PRPSAP2: variants seen among roughly 807,000 people sequenced by gnomAD.
PRPSAP2 encodes phosphoribosyl pyrophosphate synthetase associated protein 2.
Under a neutral mutation model 40.6 loss-of-function variants are expected in PRPSAP2, and 24 were observed. The observed-to-expected ratio is 0.59, with a 90% CI of 0.43 to 0.83. The LOEUF (loss-of-function observed/expected upper bound fraction) is 0.83. Among genes scored for constraint, PRPSAP2 ranks in the 40% least tolerant of loss-of-function variants. The probability of loss-of-function intolerance (pLI) is 0.00; values close to 1 mark genes in which losing one functional copy is unlikely to be tolerated. For synonymous variants in PRPSAP2, 149 were observed against 164.7 expected (o/e 0.90, Z 0.73); for missense variants, 292 against 465.6 (o/e 0.63, Z 3.43).
intron 7 of PRPSAP2, among the ~76,000 whole-genome samples, chr17:18,884,288 A>T (rs1278461682): frequency 6.6e-6 from 1 of 152,028 alleles, no homozygotes; most frequent in Admixed American, 6.6e-5. Context: ...AGAAAACAAA[A>T]ATACTCTAAC....
intron 7 of PRPSAP2, among the ~76,000 whole-genome samples, chr17:18,887,657 A>G (rs553403117): frequency 6.6e-6 from 1 of 152,200 alleles, no homozygotes; most frequent in South Asian, 2.1e-4. Context: ...AACTTATTTT[A>G]CTTTTTGCAT....
At chr17:18,927,591 C>T (rs1567758419) in intron 10 of PRPSAP2, among the ~76,000 whole-genome samples, 2 of 152,252 alleles carry the variant, frequency 1.3e-5, no homozygotes, top group Non-Finnish European at 1.5e-5. Flanking sequence ...ACATAAAACT[C>T]GCTATGTACA....
At chr17:18,892,727 G>GTGTGTGTGTGTGTTTATT (rs60288281) in intron 8 of PRPSAP2, among the ~76,000 whole-genome samples, 7 of 126,624 alleles carry the variant, frequency 5.5e-5, no homozygotes, top group South Asian at 2.5e-4. Context: ...GTGTGTGTGT[G>GTGTGTGTGTGTGTTTATT]TATTTATTTA....
intron 9 of PRPSAP2, among the ~76,000 whole-genome samples, chr17:18,919,502 C>T (rs898361289): frequency 6.6e-6 from 1 of 150,636 alleles, no homozygotes; most frequent in African/African-American, 2.4e-5. Flanking sequence ...AGTGAGACTA[C>T]CTCTCAAAAA....
rs2038409605 is a variant in PRPSAP2 at position 18,877,770 on chromosome 17, C to T, written c.312C>T (p.Ile104=). 1.2e-6 allele frequency: 2 copies of T among 1,613,630 alleles called. No homozygotes were observed. The highest frequency in any genetic ancestry group is 1.7e-6 in the Non-Finnish European group (2 of 1,179,640). ...YACKTSCAKS[I]IGVIPYFPYS... ...GTAAGACCTCTTGTGCCAAGAGCAT[C>T]ATTGGCGTGATACCCTACTTTCCTT... Residue 104 remains isoleucine (I), a synonymous_variant, in exon 6 of 12, where the codon ATC becomes ATT. Transcript: ENST00000268835.
intron 8 of PRPSAP2, among the ~76,000 whole-genome samples, chr17:18,898,084 C>T (rs1293200515): frequency 2.7e-5 from 4 of 149,396 alleles, no homozygotes; most frequent in South Asian, 4.3e-4. Flanking sequence ...TGGTAACCTC[C>T]GCCTCCCGGG....
At chr17:18,909,800 G>A (rs902039087) in intron 8 of PRPSAP2, among the ~76,000 whole-genome samples, 1 of 151,988 alleles carries the variant, frequency 6.6e-6, no homozygotes, top group Non-Finnish European at 1.5e-5. Context: ...AGCTACTTGG[G>A]AGGTTGAGGC....
chr17:18,886,847 A>G (rs1159140731), intron 7 of PRPSAP2, among the ~76,000 whole-genome samples: 1 of 151,562 alleles, frequency 6.6e-6, no homozygotes, highest in Non-Finnish European at 1.5e-5. Context: ...CCAGTGATGA[A>G]TATTTGATTC....
chr17:18,909,491 A>G (rs1042131258), intron 8 of PRPSAP2, among the ~76,000 whole-genome samples: 43 of 151,582 alleles, frequency 2.8e-4, no homozygotes, highest in African/African-American at 9.7e-4. Context: ...TGATCCGCCC[A>G]CCTTGGCCTC....
At chr17:18,895,908 T>G (rs2039882707) in intron 8 of PRPSAP2, among the ~76,000 whole-genome samples, 1 of 152,140 alleles carries the variant, frequency 6.6e-6, no homozygotes, top group African/African-American at 2.4e-5. Flanking sequence ...ATTACAGGTG[T>G]GAGCCACCAT....
intron 8 of PRPSAP2, among the ~76,000 whole-genome samples, chr17:18,901,576 C>T (rs1167680691): frequency 2.0e-5 from 3 of 152,040 alleles, no homozygotes; most frequent in African/African-American, 7.2e-5. Context: ...GACAGTTTCA[C>T]CATGTTAGCA....
chr17:18,900,038 C>T (rs2040169224), intron 8 of PRPSAP2, among the ~76,000 whole-genome samples: 3 of 152,188 alleles, frequency 2.0e-5, no homozygotes, highest in Non-Finnish European at 1.5e-5. Flanking sequence ...AGGCATCTGC[C>T]ACCACGCCCG....
intron 8 of PRPSAP2, among the ~76,000 whole-genome samples, chr17:18,910,361 G>T (rs1018130205): frequency 8.5e-5 from 13 of 152,146 alleles, no homozygotes; most frequent in African/African-American, 2.4e-4. Flanking sequence ...GGCAGAGGTT[G>T]CAGTGAACTG....
At chr17:18,928,533 A>G (rs2042088799) in intron 10 of PRPSAP2, 1 of 416,700 alleles carries the variant, frequency 2.4e-6, no homozygotes, top group Admixed American at 3.4e-5. Flanking sequence ...TTGGCCAGTT[A>G]TGGTGCAGAA....
At chr17:18,903,664 G>C (rs935162205) in intron 8 of PRPSAP2, among the ~76,000 whole-genome samples, 4 of 152,118 alleles carry the variant, frequency 2.6e-5, no homozygotes, top group Non-Finnish European at 5.9e-5. Flanking sequence ...AGCCCAGTAG[G>C]TGGAGGTTGC....
intron 4 of PRPSAP2, among the ~76,000 whole-genome samples, chr17:18,869,457 C>T (rs1022591068): frequency 6.6e-6 from 1 of 151,246 alleles, no homozygotes; most frequent in East Asian, 1.9e-4. Flanking sequence ...CCCACCTTAG[C>T]CTCCCCAGTA....
intron 6 of PRPSAP2, among the ~76,000 whole-genome samples, chr17:18,882,183 T>TGTA (rs2038806824): frequency 6.6e-6 from 1 of 152,144 alleles, no homozygotes; most frequent in South Asian, 2.1e-4. Flanking sequence ...TAGTATTTTA[T>TGTA]GTAGTACCTA....
At chr17:18,895,286 CGG>C (rs986117182) in intron 8 of PRPSAP2, among the ~76,000 whole-genome samples, 1 of 151,390 alleles carries the variant, frequency 6.6e-6, no homozygotes. Flanking sequence ...TTGTTAGAGA[CGG>C]GGGTCTGACT....
chr17:18,900,691 A>G (rs2040210361), intron 8 of PRPSAP2, among the ~76,000 whole-genome samples: 1 of 152,074 alleles, frequency 6.6e-6, no homozygotes, highest in African/African-American at 2.4e-5. Context: ...TAAGGGTAGA[A>G]GTCGAGATTC....
Sources: allele counts gnomAD v4.1 joint callset (sites outside exome capture counted in the v4.1 genomes callset), GRCh38; gene constraint gnomAD v4.1.1; transcripts MANE v1.5; gene names NCBI Gene and HGNC (gene_info 2026-07-23, HGNC 2026-07-21).